Variants in CALD1 observed in about 807,000 individuals in gnomAD.
The protein encoded by CALD1 is caldesmon.
A neutral mutation model predicts 99.9 loss-of-function variants in CALD1; 33 were observed. That is an observed-to-expected ratio of 0.33 (90% confidence interval 0.25 to 0.44). The LOEUF is 0.44. Ranked by LOEUF, CALD1 falls within the 20% of genes least tolerant of loss-of-function variation. CALD1 has a pLI of 1.00. For missense variants in CALD1, 861 were observed against 962.1 expected (o/e 0.89, Z 1.39); for synonymous variants, 310 against 325.0 (o/e 0.95, Z 0.50).
chr7:134,904,775 C>T (rs1168686176), intron 3 of CALD1, among the ~76,000 whole-genome samples: 2 of 151,992 alleles, frequency 1.3e-5, no homozygotes, highest in East Asian at 1.9e-4. Context: ...ATCAATTCTC[C>T]GTGAAGTCTG....
chr7:134,847,207 G>A (rs1037367341), intron 2 of CALD1, among the ~76,000 whole-genome samples: 3 of 152,194 alleles, frequency 2.0e-5, no homozygotes, highest in Non-Finnish European at 4.4e-5. Context: ...AGCTCCAGAT[G>A]GAGTGGAAAG....
intron 2 of CALD1, among the ~76,000 whole-genome samples, chr7:134,855,617 T>C (rs1800265676): frequency 6.6e-6 from 1 of 152,254 alleles, no homozygotes; most frequent in Non-Finnish European, 1.5e-5. Flanking sequence ...ACTTGTAATA[T>C]ATACTTTTGG....
At chr7:134,921,212 T>C (rs1374212580) in intron 3 of CALD1, among the ~76,000 whole-genome samples, 2 of 152,256 alleles carry the variant, frequency 1.3e-5, no homozygotes, top group Non-Finnish European at 2.9e-5. Context: ...AAAGACTGTT[T>C]TTCAAATAAG....
the CALD1 span, among the ~76,000 whole-genome samples, chr7:134,737,744 G>A: frequency 2.6e-5 from 4 of 152,056 alleles, no homozygotes; most frequent in African/African-American, 4.8e-5. Context: ...AGCTCATTTC[G>A]TGTGGGCTTG....
At chr7:134,891,615 G>A in intron 3 of CALD1, 2 of 1,608,086 alleles carry the variant, frequency 1.2e-6, no homozygotes, top group Middle Eastern at 2.0e-4. Flanking sequence ...CTTCCCAACT[G>A]CGGACATGCT....
chr7:134,918,723 G>A (rs569065066), intron 3 of CALD1, among the ~76,000 whole-genome samples: 5 of 152,320 alleles, frequency 3.3e-5, no homozygotes, highest in East Asian at 1.9e-4. Flanking sequence ...ATGGCTAGGC[G>A]TAGTGGCTCA....
At chr7:134,870,044 T>G (rs1476688951) in intron 3 of CALD1, among the ~76,000 whole-genome samples, 2 of 152,198 alleles carry the variant, frequency 1.3e-5, no homozygotes, top group Admixed American at 1.3e-4. Context: ...CAGGTTCTCA[T>G]GATAGTCTAC....
At chr7:134,720,959 A>G in the CALD1 span, among the ~76,000 whole-genome samples, 2 of 152,238 alleles carry the variant, frequency 1.3e-5, no homozygotes, top group East Asian at 3.9e-4. Flanking sequence ...TATAAAAGTA[A>G]TAGCATCAAA....
chr7:134,944,274 C>G (rs536061199), intron 7 of CALD1, among the ~76,000 whole-genome samples: 1 of 152,182 alleles, frequency 6.6e-6, no homozygotes, highest in East Asian at 1.9e-4. Flanking sequence ...AACCTAAGCC[C>G]TTAGTAAGAA....
Position 134,950,520 on chromosome 7 carries a change from T to C in CALD1, c.1935+6T>C, listed in dbSNP as rs1458853175. ...CTAAAGGTTCATCTCTCAAGGTATTTTTTTCCCCAGAAAACTTCTATTAGA... is the reference window on the plus strand; with the variant it reads ...CTAAAGGTTCATCTCTCAAGGTATTCTTTTCCCCAGAAAACTTCTATTAGA... On this transcript the variant is annotated splice_donor_region_variant and intron_variant, in intron 9 of 14. Transcript: ENST00000361675. 26 of 1,612,360 alleles carry C rather than the reference T, an allele frequency of 1.6e-5. No individual in the cohort carries two copies. Among genetic ancestry groups the C allele is most frequent in the Non-Finnish European group, 2.1e-5 (25 of 1,178,996 alleles).
chr7:134,800,057 T>C lies in CALD1; in HGVS notation c.-130+20308T>C, dbSNP rs116375797. On this transcript the variant is annotated intron_variant, in intron 1 of 14. Coordinates refer to ENST00000361675, the MANE Select transcript of CALD1 (RefSeq NM_033138.4). ...CTTAGGTGGTATAGAAAATCAGGGT[T>C]ATAAAAAAAGATTGGTAAATTGCAG... Among the ~76,000 whole-genome samples, 269 of 152,188 alleles carry C rather than the reference T, an allele frequency of 1.8e-3. 1 individual carries two copies. The highest frequency in any genetic ancestry group is 6.3e-3 in the African/African-American group (260 of 41,540).
intron 9 of CALD1, 55 bp downstream of exon 9, chr7:134,950,569 C>G: frequency 6.9e-7 from 1 of 1,446,896 alleles, no homozygotes; most frequent in Non-Finnish European, 9.6e-7. Flanking sequence ...TGGATTTTAG[C>G]CCCTTGTTTA....
intron 1 of CALD1, among the ~76,000 whole-genome samples, chr7:134,794,732 C>G (rs1190916394): frequency 2.6e-5 from 4 of 152,134 alleles, no homozygotes; most frequent in African/African-American, 4.8e-5. Context: ...AGTGATCTGC[C>G]CGCCTCTGCC....
intron 1 of CALD1, among the ~76,000 whole-genome samples, chr7:134,795,129 T>C (rs1308234589): frequency 6.6e-6 from 1 of 152,216 alleles, no homozygotes; most frequent in Admixed American, 6.5e-5. Flanking sequence ...TTGACCACAA[T>C]TTTCTTTCTC....
At chr7:134,779,866 A>G (rs1372028348) in intron 1 of CALD1, 117 bp downstream of exon 1, 1 of 394,072 alleles carries the variant, frequency 2.5e-6, no homozygotes, top group East Asian at 3.6e-5. Context: ...TCAAGGCAAT[A>G]AACCATGCAA....
At chr7:134,965,871 C>G (rs1808646637) in intron 14 of CALD1, among the ~76,000 whole-genome samples, 1 of 151,340 alleles carries the variant, frequency 6.6e-6, no homozygotes. Flanking sequence ...AGTAAGGCAA[C>G]CATTTACCAC....
intron 1 of CALD1, among the ~76,000 whole-genome samples, chr7:134,765,157 A>ATACAAAAATT (rs1796814171): frequency 6.6e-6 from 1 of 152,038 alleles, no homozygotes; most frequent in Non-Finnish European, 1.5e-5. Context: ...TCTACTAAAA[A>ATACAAAAATT]TACAAAAATT....
chr7:134,749,347 T>C (rs529944564), intron 1 of CALD1, among the ~76,000 whole-genome samples: 2 of 152,304 alleles, frequency 1.3e-5, no homozygotes, highest in South Asian at 4.1e-4. Flanking sequence ...GGGCCGGGCA[T>C]GGTGGCTCAC....
chr7:134,895,135 A>G (rs1177747183), intron 3 of CALD1, among the ~76,000 whole-genome samples: 2 of 151,430 alleles, frequency 1.3e-5, no homozygotes, highest in Non-Finnish European at 2.9e-5. Context: ...ATAAATAAAT[A>G]AATAATTGGC....
Sources: allele counts gnomAD v4.1 joint callset (sites outside exome capture counted in the v4.1 genomes callset), GRCh38; gene constraint gnomAD v4.1.1; transcripts MANE v1.5; gene names NCBI Gene and HGNC (gene_info 2026-07-23, HGNC 2026-07-21).